The following PLA2G4C variants were observed in gnomAD, a reference collection of about 807,000 sequenced individuals.
The protein encoded by PLA2G4C is cytosolic phospholipase A2 gamma.
PLA2G4C carries 64 observed loss-of-function variants against 73.8 expected under a neutral mutation model. That is an observed-to-expected ratio of 0.87 (90% CI 0.71 to 1.07). The LOEUF (loss-of-function observed/expected upper bound fraction) is 1.07. PLA2G4C is among the 50% of genes least tolerant of loss of function. The pLI, the probability that PLA2G4C is intolerant of heterozygous loss-of-function variation, is 0.00. For missense variants in PLA2G4C, 622 were observed against 665.4 expected (o/e 0.93, Z 0.72); for synonymous variants, 254 against 252.1 (o/e 1.01, Z -0.07).
intron 14 of PLA2G4C, among the ~76,000 whole-genome samples, chr19:48,056,144 T>C (rs1600150635): frequency 6.6e-6 from 1 of 152,198 alleles, no homozygotes; most frequent in African/African-American, 2.4e-5. Context: ...GTCTCATTAC[T>C]GTAGCACTGA....
At chr19:48,095,268 C>T (rs980611309) in intron 7 of PLA2G4C, among the ~76,000 whole-genome samples, 196 bp downstream of exon 7, 7 of 152,086 alleles carry the variant, frequency 4.6e-5, no homozygotes, top group African/African-American at 1.4e-4. Context: ...AGGTATCTGC[C>T]GCATTAAGGA....
intron 5 of PLA2G4C, 148 bp from the exon 6 acceptor site, chr19:48,098,407 C>A: frequency 1.7e-6 from 1 of 605,720 alleles, no homozygotes; most frequent in Non-Finnish European, 2.7e-6. Context: ...GCCACTACAG[C>A]CTCAACCTCC....
chr19:48,080,059 C>A (rs543408291), intron 10 of PLA2G4C, among the ~76,000 whole-genome samples: 5 of 152,100 alleles, frequency 3.3e-5, no homozygotes, highest in African/African-American at 4.8e-5. Flanking sequence ...TGAATGCGAG[C>A]AAATATTTGC....
At chr19:48,069,925 C>T (rs932493895) in intron 12 of PLA2G4C, among the ~76,000 whole-genome samples, 11 of 152,070 alleles carry the variant, frequency 7.2e-5, no homozygotes, top group African/African-American at 2.4e-4. Flanking sequence ...CCACTACGCC[C>T]GGCTAAATAT....
chr19:48,050,938 G>C (rs1255743160), intron 16 of PLA2G4C, among the ~76,000 whole-genome samples: 1 of 152,062 alleles, frequency 6.6e-6, no homozygotes, highest in Non-Finnish European at 1.5e-5. Context: ...GCCTCCCAAA[G>C]TGCTGGGATT....
At position 48,098,165 on chromosome 19, in the gene PLA2G4C, G is replaced by C. The variant is rs146484159; in HGVS notation, c.542C>G (p.Pro181Arg). Reference protein sequence around the residue: ...IFAAIDNDLQPSWQEARAPET... With the variant: ...IFAAIDNDLQRSWQEARAPET... ...TGGTGCTCTTGCCTCCTGCCAGGAA[G>C]GTTGCAGGTCATTGTCAATGGCTGC... Residue 181 changes from proline (P) to arginine (R), a missense_variant, in exon 6 of 17, where the codon CCT becomes CGT. Physicochemically the swap from Pro to Arg is moderately radical, Grantham distance 103 (BLOSUM62 -2). Transcript: ENST00000599921. 3 of 1,613,792 alleles carry C rather than the reference G, an allele frequency of 1.9e-6. No homozygotes were observed. Among genetic ancestry groups the C allele is most frequent in the Admixed American group, 3.3e-5 (2 of 59,970 alleles).
At chr19:48,102,894 C>T (rs776839801) in intron 4 of PLA2G4C, among the ~76,000 whole-genome samples, 8 of 152,234 alleles carry the variant, frequency 5.3e-5, no homozygotes, top group Non-Finnish European at 1.0e-4. Context: ...CCTCCTCACA[C>T]ACATCCTTTC....
At chr19:48,067,305 C>G (rs553162769) in intron 13 of PLA2G4C, among the ~76,000 whole-genome samples, 7 of 151,872 alleles carry the variant, frequency 4.6e-5, no homozygotes, top group African/African-American at 1.7e-4. Flanking sequence ...GTAGCTGGGA[C>G]TACAGGCACC....
intron 14 of PLA2G4C, among the ~76,000 whole-genome samples, chr19:48,060,167 T>C (rs1968116662): frequency 6.6e-6 from 1 of 152,162 alleles, no homozygotes; most frequent in Non-Finnish European, 1.5e-5. Context: ...CTCCACCTTG[T>C]GATCCTGAAA....
Position 48,064,535 on chromosome 19 carries a change from TATCAG to T in PLA2G4C, c.1103-2388_1103-2384del, listed in dbSNP as rs532223638. ...TGCGTCTGTTCTCAAGATATCAGGATATCAGGACATTCCTGGGTCTGAGTCTGTTT... is the reference window on the plus strand; with the variant it reads ...TGCGTCTGTTCTCAAGATATCAGGATGACATTCCTGGGTCTGAGTCTGTTT... On this transcript the variant is annotated intron_variant, in intron 13 of 16. Coordinates refer to ENST00000599921, the MANE Select transcript of PLA2G4C (RefSeq NM_003706.3). 6.7e-4 allele frequency among the ~76,000 whole-genome samples: 101 copies of T among 151,198 alleles called. 1 individual carries two copies. Among genetic ancestry groups the T allele is most frequent in the African/African-American group, 2.4e-3 (98 of 40,778 alleles).
intron 2 of PLA2G4C, 89 bp downstream of exon 2, chr19:48,106,433 G>T: frequency 9.8e-7 from 1 of 1,025,092 alleles, no homozygotes; most frequent in Non-Finnish European, 1.5e-6. Flanking sequence ...GAGAGGAACT[G>T]TCACAGCCCT....
intron 14 of PLA2G4C, chr19:48,061,792 G>T (rs773600301): frequency 1.7e-6 from 1 of 578,306 alleles, no homozygotes; most frequent in African/African-American, 1.9e-5. Flanking sequence ...GAAGGTCTGG[G>T]ATGGCTTTGG....
chr19:48,065,103 C>T (rs1376934522), intron 13 of PLA2G4C, among the ~76,000 whole-genome samples: 1 of 152,106 alleles, frequency 6.6e-6, no homozygotes, highest in East Asian at 1.9e-4. Context: ...TGACACAGTC[C>T]TCAGGAGATC....
chr19:48,090,229 A>T, intron 8 of PLA2G4C, 135 bp downstream of exon 8: 1 of 717,958 alleles, frequency 1.4e-6, no homozygotes, highest in Non-Finnish European at 2.5e-6. Context: ...ATTATATGAG[A>T]ATAAATGTCA....
chr19:48,056,091 C>T (rs191364753), intron 14 of PLA2G4C, among the ~76,000 whole-genome samples: 1 of 152,234 alleles, frequency 6.6e-6, no homozygotes, highest in Non-Finnish European at 1.5e-5. Flanking sequence ...TTCCTGTGGC[C>T]TCCTTCCGTG....
At chr19:48,077,869 C>G in intron 10 of PLA2G4C, 45 bp from the exon 11 acceptor site, 1 of 1,520,774 alleles carries the variant, frequency 6.6e-7, no homozygotes, top group Non-Finnish European at 9.0e-7. Flanking sequence ...TGTAAAGTCA[C>G]TAGTTATAGA....
chr19:48,102,972 T>C (rs1397067676), intron 4 of PLA2G4C, among the ~76,000 whole-genome samples: 1 of 152,224 alleles, frequency 6.6e-6, no homozygotes, highest in Non-Finnish European at 1.5e-5. Flanking sequence ...GAAGTATGTC[T>C]GGGCTCGTAA....
intron 1 of PLA2G4C, among the ~76,000 whole-genome samples, chr19:48,107,288 G>T (rs2032283597): frequency 6.6e-6 from 1 of 152,168 alleles, no homozygotes; most frequent in Non-Finnish European, 1.5e-5. Flanking sequence ...GGACCAGGTG[G>T]TAGCTCTTGG....
At position 48,048,372 on chromosome 19, in the gene PLA2G4C, C is replaced by T. The variant is rs749840851; in HGVS notation, c.1597G>A (p.Asp533Asn). The change falls in exon 17 of 17, where the codon GAT (aspartate) becomes AAT (asparagine). Residue 533 changes from aspartate to asparagine, a missense_variant. Physicochemically the swap from Asp to Asn is conservative, Grantham distance 23 (BLOSUM62 1). Coordinates refer to ENST00000599921, the MANE Select transcript of PLA2G4C (RefSeq NM_003706.3). ...MNVAGLYYPK[D>N]SARSCCLA ...GCCAAGCAGCAACTTCGGGCACTAT[C>T]CTTCGGGTAGTAGAGCCTGGGGAGA... The T allele has an allele frequency of 2.5e-6, 4 of 1,596,306 alleles. No homozygotes were observed. The highest frequency in any genetic ancestry group is 3.4e-6 in the Non-Finnish European group (4 of 1,173,910).
Sources: gnomAD v4.1 joint callset for allele counts (sites outside exome capture counted in the v4.1 genomes callset) on GRCh38, gnomAD v4.1.1 for gene constraint, MANE v1.5 for transcripts, NCBI Gene and HGNC (gene_info 2026-07-23, HGNC 2026-07-21) for gene names.